The following SMCHD1 variants were observed in gnomAD, a reference collection of about 807,000 sequenced individuals.
SMCHD1 encodes structural maintenance of chromosomes flexible hinge domain containing 1.
In SMCHD1, 78 loss-of-function variants were observed where a neutral mutation model predicts 254.7. The ratio of observed to expected loss-of-function variants is 0.31; its 90% CI spans 0.26 to 0.37. The LOEUF is 0.37. Ranked by LOEUF, SMCHD1 falls within the 10% of genes least tolerant of loss-of-function variation. The pLI is 1.00. For missense variants in SMCHD1, 1,840 were observed against 2,408.1 expected (o/e 0.76, Z 4.94); for synonymous variants, 766 against 794.9 (o/e 0.96, Z 0.61).
At chr18:2,693,587 TACAC>T (rs1157875923) in intron 7 of SMCHD1, among the ~76,000 whole-genome samples, 1 of 152,248 alleles carries the variant, frequency 6.6e-6, no homozygotes, top group African/African-American at 2.4e-5. Context: ...TGTATATGAA[TACAC>T]ACACAAACGC....
chr18:2,699,465 G>C (rs2074353611), intron 10 of SMCHD1, among the ~76,000 whole-genome samples: 1 of 152,134 alleles, frequency 6.6e-6, no homozygotes, highest in African/African-American at 2.4e-5. Flanking sequence ...TCAGCCTCCT[G>C]AGTAACTGGG....
At chr18:2,732,623 A>C in intron 25 of SMCHD1, 131 bp downstream of exon 25, 1 of 592,500 alleles carries the variant, frequency 1.7e-6, no homozygotes, top group Non-Finnish European at 2.9e-6. Context: ...TATCATTTCA[A>C]ATTGTAAGCA....
In SMCHD1 at chr18:2,675,576, A is replaced by G. The variant is rs184077912; in HGVS notation, c.638+1431A>G. Among the ~76,000 whole-genome samples, 84 of 152,236 alleles carry G rather than the reference A, an allele frequency of 5.5e-4. No individual in the cohort carries two copies. In the Middle Eastern group the frequency reaches 0.01, roughly 18 times the overall value. On this transcript the variant is annotated intron_variant, in intron 5 of 47. Coordinates refer to ENST00000320876, the MANE Select transcript of SMCHD1 (RefSeq NM_015295.3). The stretch of plus-strand genomic sequence containing the variant: ...CTGCACCTGGCCTAGATTTCTCCAC[A>G]ACCATTCTATTTCACCATTTTCATA...
intron 28 of SMCHD1, among the ~76,000 whole-genome samples, chr18:2,742,553 T>C (rs1481034696): frequency 1.3e-5 from 2 of 152,232 alleles, no homozygotes; most frequent in Non-Finnish European, 2.9e-5. Context: ...AATTCTTCTG[T>C]GCTTATTGGG....
At position 2,673,379 on chromosome 18, in the gene SMCHD1, T is replaced by C. The variant is rs370482716; in HGVS notation, c.507+16T>C. Reference sequence around the variant, plus strand: ...GATCAAATTGGTAAGGAAATAATACTGTAAAGCAATTTAACTTTTCCTTTT... The same window carrying C: ...GATCAAATTGGTAAGGAAATAATACCGTAAAGCAATTTAACTTTTCCTTTT... On this transcript the variant is annotated intron_variant, in intron 4 of 47. Coordinates refer to ENST00000320876, the MANE Select transcript of SMCHD1 (RefSeq NM_015295.3). 2.1e-6 allele frequency: 3 copies of C among 1,423,292 alleles called. No individual in the cohort carries two copies. Among genetic ancestry groups the C allele is most frequent in the African/African-American group, 1.4e-5 (1 of 69,384 alleles). 88.2% of individuals were successfully genotyped at this position (1,423,292 alleles called of 1,614,324 possible). A position where few individuals can be genotyped will look rare whatever the true frequency, so the allele number is the denominator to read the frequency against.
rs755669717 is a variant in SMCHD1, at chr18:2,770,097, A to T, written c.4955A>T (p.Asn1652Ile). The stretch of plus-strand genomic sequence containing the variant: ...TTTGAAGCCAGCCAACAGCTTCTTA[A>T]TGAAATGAAATGTAAGTCATTTTGT... Reference protein sequence around the residue: ...SLFEASQQLLNEMKCQVEEAR... With the variant: ...SLFEASQQLLIEMKCQVEEAR... The change falls in exon 39 of 48, where the codon AAT becomes ATT. Residue 1652 changes from asparagine to isoleucine, a missense_variant. By Grantham distance (149) the Asn-to-Ile change is moderately radical. This residue lies in a region of SMCHD1 where 881 missense variants were observed against 1,009.5 expected (regional missense o/e 0.87). Transcript: ENST00000320876. 1 of 1,598,964 alleles carries T rather than the reference A, an allele frequency of 6.3e-7. No individual in the cohort carries two copies. The highest frequency in any genetic ancestry group is 8.5e-7 in the Non-Finnish European group (1 of 1,176,498).
chr18:2,675,509 C>G (rs1383743296), intron 5 of SMCHD1, among the ~76,000 whole-genome samples: 1 of 152,100 alleles, frequency 6.6e-6, no homozygotes, highest in Non-Finnish European at 1.5e-5. Context: ...GTGATCCGCC[C>G]TCCTCAGCCT....
chr18:2,682,720 T>G (rs2073961642), intron 5 of SMCHD1, among the ~76,000 whole-genome samples: 1 of 152,256 alleles, frequency 6.6e-6, no homozygotes, highest in African/African-American at 2.4e-5. Flanking sequence ...GATTATGAAT[T>G]AAGATATTTT....
intron 37 of SMCHD1, among the ~76,000 whole-genome samples, chr18:2,767,235 G>A (rs112522936): frequency 8.9e-4 from 133 of 150,010 alleles, no homozygotes; most frequent in African/African-American, 3.1e-3. Flanking sequence ...TCCAGCCTGG[G>A]TGACAGAGCA....
intron 5 of SMCHD1, among the ~76,000 whole-genome samples, 178 bp from the exon 6 acceptor site, chr18:2,688,216 T>G (rs973938406): frequency 2.6e-5 from 4 of 152,258 alleles, no homozygotes; most frequent in Admixed American, 6.5e-5. Context: ...GCATCTGGCC[T>G]GGGGACTACA....
At position 2,770,083 on chromosome 18, in the gene SMCHD1, C is replaced by G. The variant is rs375361463; in HGVS notation, c.4941C>G (p.Ser1647Arg). ...TGTATAAAAGTTTATTTGAAGCCAG[C>G]CAACAGCTTCTTAATGAAATGAAAT... ...IVMYKSLFEASQQLLNEMKCQ... is the reference protein window; with the variant it reads ...IVMYKSLFEARQQLLNEMKCQ... Residue 1647 changes from serine to arginine, a missense_variant, in exon 39 of 48, where the codon AGC (serine) becomes AGG (arginine). This residue lies in a region of SMCHD1 where 881 missense variants were observed against 1,009.5 expected (regional missense o/e 0.87). Coordinates refer to ENST00000320876, the MANE Select transcript of SMCHD1 (RefSeq NM_015295.3). 6.3e-7 allele frequency: 1 copy of G among 1,596,758 alleles called. No homozygotes were observed. Among genetic ancestry groups the G allele is most frequent in the Non-Finnish European group, 8.5e-7 (1 of 1,175,988 alleles).
rs201408220 is a variant in SMCHD1, at chr18:2,697,077, A to G, written c.1086A>G (p.Ile362Met). The G allele has an allele frequency of 2.4e-5, 36 of 1,509,486 alleles. 1 individual carries two copies. In the African/African-American group the frequency reaches 4.6e-4, roughly 19 times the overall value. The allele number at this position is 1,509,486 out of a possible 1,614,324, so 93.5% of individuals were successfully genotyped here. A position where few individuals can be genotyped will look rare whatever the true frequency, so the allele number is the denominator to read the frequency against. Residue 362 changes from isoleucine to methionine, a missense_variant, in exon 9 of 48, where the codon ATA becomes ATG. Physicochemically the swap from Ile to Met is conservative, Grantham distance 10. This residue lies in a region of SMCHD1 where 498 missense variants were observed against 743.5 expected (regional missense o/e 0.67). Coordinates refer to ENST00000320876, the MANE Select transcript of SMCHD1 (RefSeq NM_015295.3). ...YYIHGPKGNE[I>M]RTSKEVEPFN... ...TTCATGGCCCAAAAGGAAATGAAAT[A>G]CGAACATCAAAAGAAGTTGAACCTT...
intron 17 of SMCHD1, 96 bp downstream of exon 17, chr18:2,708,016 G>A: frequency 1.5e-6 from 1 of 654,940 alleles, no homozygotes; most frequent in Non-Finnish European, 2.4e-6. Context: ...CTAGCAATCT[G>A]ATAGGCATAG....
chr18:2,735,160 A>G (rs1160563328), intron 25 of SMCHD1, among the ~76,000 whole-genome samples: 1 of 152,058 alleles, frequency 6.6e-6, no homozygotes, highest in Non-Finnish European at 1.5e-5. Flanking sequence ...ATAAAGTGTG[A>G]TTCACCACAT....
intron 45 of SMCHD1, among the ~76,000 whole-genome samples, chr18:2,790,809 C>T (rs2076307475): frequency 6.6e-6 from 1 of 152,036 alleles, no homozygotes; most frequent in African/African-American, 2.4e-5. Flanking sequence ...TTCAAATGTC[C>T]CTAGCATAAA....
At chr18:2,760,551 A>G (rs905373512) in intron 34 of SMCHD1, 101 bp from the exon 35 acceptor site, 13 of 709,434 alleles carry the variant, frequency 1.8e-5, no homozygotes, top group Admixed American at 2.5e-5. Flanking sequence ...TATTCTTCCT[A>G]CTCATTTATT....
rs1426680066 is a variant in SMCHD1 at position 2,778,149 on chromosome 18, T to C, written c.5477-20T>C. 3 of 1,557,546 alleles carry C rather than the reference T, an allele frequency of 1.9e-6. No individual in the cohort carries two copies. The South Asian group carries it at 3.5e-5, about 18-fold the overall frequency. ...AGGAAAATATCATAATTTTCAAAATTCATTTATTGACTTTTTTAGTATTTG... is the reference window on the plus strand; with the variant it reads ...AGGAAAATATCATAATTTTCAAAATCCATTTATTGACTTTTTTAGTATTTG... On this transcript the variant is annotated intron_variant, in intron 43 of 47. Transcript: ENST00000320876.
At chr18:2,675,389 C>T (rs1245870826) in intron 5 of SMCHD1, among the ~76,000 whole-genome samples, 4 of 151,828 alleles carry the variant, frequency 2.6e-5, no homozygotes, top group African/African-American at 7.2e-5. Context: ...CTCAGCCTCC[C>T]GAGTAGCTGC....
chr18:2,707,286 A>T (rs2074538616), intron 15 of SMCHD1, among the ~76,000 whole-genome samples: 1 of 151,172 alleles, frequency 6.6e-6, no homozygotes, highest in Non-Finnish European at 1.5e-5. Flanking sequence ...GGTAATTTGT[A>T]CTATAAACAA....
Sources: gnomAD v4.1 joint callset for allele counts (sites outside exome capture counted in the v4.1 genomes callset) on GRCh38, gnomAD v4.1.1 for gene constraint, gnomAD v4.1.1 regional missense constraint, MANE v1.5 for transcripts, NCBI Gene and HGNC (gene_info 2026-07-23, HGNC 2026-07-21) for gene names.